Variants in WDFY3 observed in about 807,000 individuals in gnomAD.
The protein encoded by WDFY3 is WD repeat and FYVE domain-containing protein 3.
WDFY3 carries 66 observed loss-of-function variants against 409.6 expected under a neutral mutation model. The observed-to-expected ratio is 0.16, with a 90% CI of 0.13 to 0.20. WDFY3 has a LOEUF of 0.20. Among genes scored for constraint, WDFY3 ranks in the 10% least tolerant of loss-of-function variants. WDFY3 has a pLI of 1.00. For synonymous variants in WDFY3, 1,521 were observed against 1,537.1 expected (o/e 0.99, Z 0.25); for missense variants, 3,031 against 4,298.1 (o/e 0.71, Z 8.24).
chr4:84,954,044 C>A (rs2151142574), intron 1 of WDFY3, among the ~76,000 whole-genome samples: 1 of 152,194 alleles, frequency 6.6e-6, no homozygotes, highest in East Asian at 1.9e-4. Context: ...GCAGAACTAC[C>A]CATGTGTAAA....
At chr4:84,789,565 CAT>C (rs2149536780) in intron 22 of WDFY3, among the ~76,000 whole-genome samples, 159 bp downstream of exon 22, 1 of 151,720 alleles carries the variant, frequency 6.6e-6, no homozygotes, top group African/African-American at 2.4e-5. Flanking sequence ...ATGAGTCTAA[CAT>C]ATTATTCAAA....
At chr4:84,823,873 A>G (rs547302897) in intron 10 of WDFY3, among the ~76,000 whole-genome samples, 2 of 152,318 alleles carry the variant, frequency 1.3e-5, no homozygotes, top group East Asian at 3.9e-4. Flanking sequence ...AGTTTCTTGT[A>G]AAGTTAAACA....
intron 2 of WDFY3, among the ~76,000 whole-genome samples, chr4:84,905,426 C>T (rs1431388457): frequency 6.6e-6 from 1 of 152,180 alleles, no homozygotes; most frequent in Admixed American, 6.5e-5. Context: ...ACCAACTGCT[C>T]AAGCCAAAAC....
At chr4:84,835,839 C>T (rs557433747) in intron 7 of WDFY3, among the ~76,000 whole-genome samples, 4 of 152,306 alleles carry the variant, frequency 2.6e-5, no homozygotes, top group African/African-American at 9.6e-5. Context: ...ATCACAGTTA[C>T]TTCTCCTTCC....
At chr4:84,943,513 A>C (rs1421482303) in intron 1 of WDFY3, among the ~76,000 whole-genome samples, 2 of 152,172 alleles carry the variant, frequency 1.3e-5, no homozygotes, top group African/African-American at 2.4e-5. Context: ...CAGAAAAAAA[A>C]AAGAATACAG....
chr4:84,702,604 A>G, intron 55 of WDFY3, 98 bp from the exon 56 acceptor site: 1 of 1,073,108 alleles, frequency 9.3e-7, no homozygotes, highest in Non-Finnish European at 1.3e-6. Flanking sequence ...ATAGTTGGTG[A>G]CATTTCAATT....
At chr4:84,688,397 G>T in intron 61 of WDFY3, 132 bp from the exon 62 acceptor site, 1 of 835,898 alleles carries the variant, frequency 1.2e-6, no homozygotes. Flanking sequence ...GAGCAGTGGT[G>T]TCTGGAGAGT....
Position 84,849,495 on chromosome 4 carries a change from CAT to C in WDFY3, c.304+405_304+406del, listed in dbSNP as rs374014335. ...TAAATGATTAAAATAAGAGTATACACATGTTTGAAGACTACAGACAGCTGGAT... is the reference window on the plus strand; with the variant it reads ...TAAATGATTAAAATAAGAGTATACACGTTTGAAGACTACAGACAGCTGGAT... On this transcript the variant is annotated intron_variant, in intron 5 of 67. Coordinates refer to ENST00000295888, the MANE Select transcript of WDFY3 (RefSeq NM_014991.6). Among the ~76,000 whole-genome samples the C allele has an allele frequency of 4.0e-3, 568 of 143,228 alleles. 3 individuals carry two copies. Among genetic ancestry groups the C allele is most frequent in the African/African-American group, 0.014 (537 of 38,842 alleles). 94.0% of individuals were successfully genotyped at this position (143,228 alleles called of 152,430 possible). A position where few individuals can be genotyped will look rare whatever the true frequency, so the allele number is the denominator to read the frequency against.
chr4:84,701,237 G>T (rs1731027070), intron 56 of WDFY3, among the ~76,000 whole-genome samples: 1 of 152,198 alleles, frequency 6.6e-6, no homozygotes, highest in South Asian at 2.1e-4. Context: ...TCCTAAAGTT[G>T]TGTCTTTAGC....
chr4:84,720,133 C>T (rs1734600910), intron 47 of WDFY3, among the ~76,000 whole-genome samples: 1 of 152,050 alleles, frequency 6.6e-6, no homozygotes, highest in East Asian at 1.9e-4. Context: ...CTGTGTAAGG[C>T]AATGAGATAG....
chr4:84,870,472 C>G (rs1374053952), intron 3 of WDFY3, among the ~76,000 whole-genome samples: 2 of 152,102 alleles, frequency 1.3e-5, no homozygotes, highest in Non-Finnish European at 2.9e-5. Flanking sequence ...AGTGGACTAG[C>G]ATGAGAGGGA....
At chr4:84,891,681 T>C (rs1764974996) in intron 3 of WDFY3, among the ~76,000 whole-genome samples, 1 of 152,120 alleles carries the variant, frequency 6.6e-6, no homozygotes. Context: ...GAAAATCTGT[T>C]TACCTCCTTT....
chr4:84,725,680 T>C (rs1281757630), intron 45 of WDFY3, among the ~76,000 whole-genome samples: 2 of 152,188 alleles, frequency 1.3e-5, no homozygotes, highest in African/African-American at 4.8e-5. Flanking sequence ...GAATATATAA[T>C]TTTAAAAATT....
intron 6 of WDFY3, among the ~76,000 whole-genome samples, chr4:84,837,467 C>A (rs961506920): frequency 1.3e-5 from 2 of 152,130 alleles, no homozygotes; most frequent in Non-Finnish European, 2.9e-5. Flanking sequence ...GAATGATACA[C>A]CCTTCTCATG....
At chr4:84,940,692 A>G (rs1276117764) in intron 1 of WDFY3, among the ~76,000 whole-genome samples, 1 of 152,108 alleles carries the variant, frequency 6.6e-6, no homozygotes, top group Non-Finnish European at 1.5e-5. Flanking sequence ...CAATATCCTG[A>G]TATCAAAACC....
At chr4:84,775,556 A>G (rs1487382817) in intron 27 of WDFY3, among the ~76,000 whole-genome samples, 1 of 151,994 alleles carries the variant, frequency 6.6e-6, no homozygotes, top group African/African-American at 2.4e-5. Context: ...ATAACAATAG[A>G]AATTATTCAG....
chr4:84,775,282 G>A (rs1199466428), intron 27 of WDFY3, 144 bp from the exon 28 acceptor site: 5 of 682,700 alleles, frequency 7.3e-6, no homozygotes, highest in East Asian at 3.0e-5. Flanking sequence ...CTTATATGCA[G>A]AAAAAAAATC....
At chr4:84,873,605 G>C (rs1762399501) in intron 3 of WDFY3, among the ~76,000 whole-genome samples, 2 of 142,788 alleles carry the variant, frequency 1.4e-5, no homozygotes, top group African/African-American at 2.7e-5. Context: ...AAAGTAGTTT[G>C]AGCTTAAAGA....
At position 84,845,801 on chromosome 4, in the gene WDFY3, G is replaced by A. The variant is rs555997812; in HGVS notation, c.304+4101C>T. Among the ~76,000 whole-genome samples the A allele has an allele frequency of 4.6e-5, 7 of 151,726 alleles. No individual in the cohort carries two copies. In the South Asian group the frequency reaches 1.0e-3, roughly 23 times the overall value. On this transcript the variant is annotated intron_variant, in intron 5 of 67. Transcript: ENST00000295888. ...AAGAAAAAAAACAAGGATTCCCATA[G>A]CCAGGGTAAGGCTAACTGAGGAGAC...
Sources: gnomAD v4.1 joint callset for allele counts (sites outside exome capture counted in the v4.1 genomes callset) on GRCh38, gnomAD v4.1.1 for gene constraint, MANE v1.5 for transcripts, NCBI Gene and HGNC (gene_info 2026-07-23, HGNC 2026-07-21) for gene names.